Variants in CHCHD3 observed in about 807,000 individuals in gnomAD.
CHCHD3 encodes the protein MICOS complex subunit MIC19.
Under a neutral mutation model 38.2 loss-of-function variants are expected in CHCHD3, and 20 were observed. The ratio of observed to expected loss-of-function variants is 0.52; its 90% confidence interval spans 0.37 to 0.76. The LOEUF (loss-of-function observed/expected upper bound fraction) is 0.76, where lower values mean the gene tolerates loss of function less well. Ranked by LOEUF, CHCHD3 falls within the 30% of genes least tolerant of loss-of-function variation. The probability of loss-of-function intolerance (pLI) is 0.00; values close to 1 mark genes in which losing one functional copy is unlikely to be tolerated. For synonymous variants in CHCHD3, 82 were observed against 100.0 expected (o/e 0.82, Z 1.07); for missense variants, 245 against 279.2 (o/e 0.88, Z 0.87).
At chr7:132,956,200 T>C (rs929172875) in intron 4 of CHCHD3, among the ~76,000 whole-genome samples, 1 of 152,238 alleles carries the variant, frequency 6.6e-6, no homozygotes, top group African/African-American at 2.4e-5. Context: ...TGGCCTGCCC[T>C]GAAGATTACA....
chr7:133,048,838 A>C (rs1814069665), intron 2 of CHCHD3, among the ~76,000 whole-genome samples: 1 of 152,250 alleles, frequency 6.6e-6, no homozygotes, highest in African/African-American at 2.4e-5. Context: ...TGTGAAAGCA[A>C]GAGGAAGCAG....
At chr7:132,979,007 G>A (rs1235247247) in intron 3 of CHCHD3, among the ~76,000 whole-genome samples, 1 of 152,086 alleles carries the variant, frequency 6.6e-6, no homozygotes, top group African/African-American at 2.4e-5. Context: ...AGGGAGTTTG[G>A]CAGTAGGACT....
intron 6 of CHCHD3, among the ~76,000 whole-genome samples, chr7:132,807,379 C>G (rs964633711): frequency 1.3e-5 from 2 of 151,954 alleles, no homozygotes; most frequent in Non-Finnish European, 2.9e-5. Context: ...TACTCATTTA[C>G]TGATGGGCTT....
At chr7:132,975,005 C>T (rs765783231) in intron 4 of CHCHD3, 164 bp downstream of exon 4, 2 of 578,592 alleles carry the variant, frequency 3.5e-6, no homozygotes, top group Non-Finnish European at 6.1e-6. Context: ...GATGGTTAAA[C>T]CTAAACTGTA....
rs938752421 is a variant in CHCHD3 at position 132,784,912 on chromosome 7, A to G, written c.*725T>C. 1 of 152,658 alleles carries G rather than the reference A, an allele frequency of 6.6e-6. No individual in the cohort carries two copies. The highest frequency in any genetic ancestry group is 2.4e-5 in the African/African-American group (1 of 41,458). The allele number at this position is 152,658 out of a possible 1,614,324, so 9.5% of individuals were successfully genotyped here. On this transcript the variant is annotated 3_prime_UTR_variant, in exon 8 of 8. Coordinates refer to ENST00000262570, the MANE Select transcript of CHCHD3 (RefSeq NM_017812.4). ...TTATTATTGATAGTGAGTGAAGTAA[A>G]GATGTGAGTATTCACTATAGAGGTT...
In CHCHD3 at chr7:132,949,129, A is replaced by G. The variant is rs142039767; in HGVS notation, c.369+26040T>C. Among the ~76,000 whole-genome samples the G allele has an allele frequency of 7.0e-3, 1,065 of 152,300 alleles. 11 individuals are homozygous for G. The highest frequency in any genetic ancestry group is 0.024 in the African/African-American group (991 of 41,566). On this transcript the variant is annotated intron_variant, in intron 4 of 7. Transcript: ENST00000262570. ...CTCAAATATCATTTTTGAAGACCAT[A>G]TAACTGTGGCAGATACTAACTCTTC...
At chr7:132,825,378 C>CA (rs1563246875) in intron 6 of CHCHD3, among the ~76,000 whole-genome samples, 1 of 152,216 alleles carries the variant, frequency 6.6e-6, no homozygotes, top group Non-Finnish European at 1.5e-5. Flanking sequence ...CAATATCCAA[C>CA]AACTCAAGTT....
intron 3 of CHCHD3, among the ~76,000 whole-genome samples, chr7:133,021,824 T>C (rs932825827): frequency 6.6e-6 from 1 of 152,090 alleles, no homozygotes; most frequent in East Asian, 1.9e-4. Context: ...CGGTGGCTCA[T>C]GCCTGTAATC....
chr7:132,902,196 A>T (rs1809686650), intron 4 of CHCHD3, among the ~76,000 whole-genome samples: 1 of 152,224 alleles, frequency 6.6e-6, no homozygotes, highest in South Asian at 2.1e-4. Context: ...AGGGAGAAAT[A>T]GGAACACTTT....
At chr7:132,819,635 T>C (rs1322459758) in intron 6 of CHCHD3, among the ~76,000 whole-genome samples, 1 of 152,206 alleles carries the variant, frequency 6.6e-6, no homozygotes, top group Non-Finnish European at 1.5e-5. Context: ...CAGGCAACAC[T>C]GATGCCACTT....
chr7:132,876,225 G>C (rs909165218), intron 5 of CHCHD3, among the ~76,000 whole-genome samples: 10 of 152,140 alleles, frequency 6.6e-5, no homozygotes, highest in African/African-American at 2.2e-4. Flanking sequence ...CTTTGAAATT[G>C]GATGTGAAGA....
intron 5 of CHCHD3, among the ~76,000 whole-genome samples, chr7:132,863,444 T>C (rs1808542451): frequency 6.6e-6 from 1 of 152,194 alleles, no homozygotes; most frequent in African/African-American, 2.4e-5. Flanking sequence ...CAGGCTTTGG[T>C]GTTCCATTTA....
chr7:132,972,858 AAATCAGAATGTACG>A lies in CHCHD3; in HGVS notation c.369+2297_369+2310del, dbSNP rs1811646441. On this transcript the variant is annotated intron_variant, in intron 4 of 7. Coordinates refer to ENST00000262570, the MANE Select transcript of CHCHD3 (RefSeq NM_017812.4). ...CAGAATCTGTAAATAAGAGATCTAC[AAATCAGAATGTACG>A]AGGCCAGTTTCTCATGCTTCACCAG... 3.0e-6 allele frequency: 3 copies of A among 985,352 alleles called. No individual in the cohort carries two copies. The South Asian group carries it at 1.4e-4, about 46-fold the overall frequency. 61.0% of individuals were successfully genotyped at this position (985,352 alleles called of 1,614,324 possible). A position where few individuals can be genotyped will look rare whatever the true frequency, so the allele number is the denominator to read the frequency against.
intron 4 of CHCHD3, among the ~76,000 whole-genome samples, chr7:132,940,968 T>A (rs189922346): frequency 1.3e-5 from 2 of 152,224 alleles, no homozygotes; most frequent in East Asian, 3.9e-4. Context: ...CAAATTCCAA[T>A]ATAACCCAAG....
At chr7:133,077,650 G>A (rs1815042960) in intron 1 of CHCHD3, among the ~76,000 whole-genome samples, 1 of 152,216 alleles carries the variant, frequency 6.6e-6, no homozygotes, top group African/African-American at 2.4e-5. Context: ...TTTCCAAGCA[G>A]GCACAGCAGG....
intron 4 of CHCHD3, among the ~76,000 whole-genome samples, chr7:132,939,837 A>G (rs1810721921): frequency 6.6e-6 from 1 of 152,210 alleles, no homozygotes; most frequent in Non-Finnish European, 1.5e-5. Context: ...ACTAACTGCC[A>G]TCACAATTTC....
intron 2 of CHCHD3, among the ~76,000 whole-genome samples, chr7:133,025,191 C>T (rs922325882): frequency 1.3e-5 from 2 of 152,180 alleles, no homozygotes; most frequent in African/African-American, 4.8e-5. Context: ...GTGCCAGCAA[C>T]TGGAGAGAGA....
chr7:132,904,068 C>T (rs558538144), intron 4 of CHCHD3, among the ~76,000 whole-genome samples: 64 of 151,870 alleles, frequency 4.2e-4, no homozygotes, highest in Non-Finnish European at 6.9e-4. Flanking sequence ...AAGACCAGCC[C>T]GGGCAACATG....
At chr7:132,820,673 A>G (rs1033616447) in intron 6 of CHCHD3, among the ~76,000 whole-genome samples, 17 of 132,050 alleles carry the variant, frequency 1.3e-4, no homozygotes, top group African/African-American at 4.0e-4. Context: ...TCTGAACTGC[A>G]GGGGTTAAAC....
Sources: allele counts gnomAD v4.1 joint callset (sites outside exome capture counted in the v4.1 genomes callset), GRCh38; gene constraint gnomAD v4.1.1; transcripts MANE v1.5; gene names NCBI Gene and HGNC (gene_info 2026-07-23, HGNC 2026-07-21).